Variants in RP1 observed in about 807,000 individuals in gnomAD.
RP1 encodes the protein RP1 axonemal microtubule associated.
RP1 carries 16 observed loss-of-function variants against 14.8 expected under a neutral mutation model. The observed-to-expected ratio is 1.08, with a 90% CI of 0.73 to 1.65. The LOEUF (loss-of-function observed/expected upper bound fraction) is 1.65, where lower values mean the gene tolerates loss of function less well. Among genes scored for constraint, RP1 ranks in the 40% most tolerant of loss-of-function variants. The pLI, the probability that RP1 is intolerant of heterozygous loss-of-function variation, is 0.00. For missense variants in RP1, 2,631 were observed against 2,535.0 expected (o/e 1.04, Z -0.81); for synonymous variants, 876 against 883.6 (o/e 0.99, Z 0.15).
intron 27 of RP1, among the ~76,000 whole-genome samples, chr8:54,865,493 A>C (rs1415896952): frequency 6.6e-6 from 1 of 152,128 alleles, no homozygotes; most frequent in Non-Finnish European, 1.5e-5. Context: ...TTCCATTACT[A>C]TTTAAACTTA....
intron 8 of RP1, among the ~76,000 whole-genome samples, chr8:54,676,800 A>G (rs1313453554): frequency 6.6e-6 from 1 of 152,206 alleles, no homozygotes; most frequent in African/African-American, 2.4e-5. Flanking sequence ...ATGTATCATT[A>G]CCTCTAAGAG....
chr8:54,727,219 T>C (rs991449205), intron 17 of RP1, among the ~76,000 whole-genome samples: 13 of 152,088 alleles, frequency 8.5e-5, no homozygotes, highest in Non-Finnish European at 1.3e-4. Context: ...CTCATGAACA[T>C]AGGGAAGAGA....
chr8:54,698,739 G>A (rs541242350), intron 12 of RP1, among the ~76,000 whole-genome samples: 148 of 152,218 alleles, frequency 9.7e-4, no homozygotes, highest in African/African-American at 3.5e-3. Context: ...TCCTTTGCAG[G>A]GACATGGATG....
chr8:54,741,734 T>TATATAC (rs1809102196), intron 19 of RP1, among the ~76,000 whole-genome samples: 1 of 137,386 alleles, frequency 7.3e-6, no homozygotes, highest in Non-Finnish European at 1.6e-5. Context: ...TATATATATA[T>TATATAC]ATATATATAT....
chr8:54,713,479 C>T (rs1808338017), intron 15 of RP1, among the ~76,000 whole-genome samples: 1 of 152,152 alleles, frequency 6.6e-6, no homozygotes, highest in African/African-American at 2.4e-5. Context: ...TGCACACAGA[C>T]ATACCCCACA....
chr8:54,666,731 T>C (rs1179926529), intron 7 of RP1, among the ~76,000 whole-genome samples: 1 of 151,910 alleles, frequency 6.6e-6, no homozygotes, highest in Non-Finnish European at 1.5e-5. Context: ...AGGGAGAAAC[T>C]GGAAGTTAGA....
At chr8:54,705,558 C>CATT (rs2129344891) in intron 14 of RP1, among the ~76,000 whole-genome samples, 1 of 152,292 alleles carries the variant, frequency 6.6e-6, no homozygotes, top group African/African-American at 2.4e-5. Flanking sequence ...CCCTAAGTCA[C>CATT]ATTATTACTA....
intron 25 of RP1, among the ~76,000 whole-genome samples, chr8:54,844,030 G>A (rs1811855612): frequency 6.6e-6 from 1 of 152,238 alleles, no homozygotes; most frequent in South Asian, 2.1e-4. Flanking sequence ...GAGGGCATCA[G>A]TGAGAAGCTC....
rs565804145 is a variant in RP1, at chr8:54,640,125, T to A, written c.788-8860T>A. Among the ~76,000 whole-genome samples, 1,178 of 151,890 alleles carry A rather than the reference T, an allele frequency of 7.8e-3. 18 individuals are homozygous for A. Among genetic ancestry groups the A allele is most frequent in the African/African-American group, 0.027 (1,104 of 41,416 alleles). On this transcript the variant is annotated intron_variant, in intron 3 of 22. Coordinates refer to the RP1 transcript ENST00000636932. ...TCCCATTTTGAGCTTTTTTTTTTTT[T>A]AAATATACTGTGGGAGGTAAGAGTT... is the stretch of plus-strand genomic sequence containing the variant.
At chr8:54,700,777 G>A (rs538920906) in intron 13 of RP1, among the ~76,000 whole-genome samples, 2 of 152,132 alleles carry the variant, frequency 1.3e-5, no homozygotes, top group Non-Finnish European at 2.9e-5. Flanking sequence ...CATCTGGTAT[G>A]GTGGGCCTCA....
chr8:54,799,608 A>G (rs1487791296), intron 24 of RP1, among the ~76,000 whole-genome samples: 1 of 151,654 alleles, frequency 6.6e-6, no homozygotes, highest in Non-Finnish European at 1.5e-5. Flanking sequence ...TTAATGCATC[A>G]ATGTTATCTC....
intron 23 of RP1, among the ~76,000 whole-genome samples, chr8:54,777,743 A>T (rs1249680781): frequency 6.6e-6 from 1 of 152,212 alleles, no homozygotes. Flanking sequence ...AATTAATAAA[A>T]ATTAGAATAA....
At chr8:54,651,394 C>G (rs1806652854) in intron 4 of RP1, among the ~76,000 whole-genome samples, 1 of 151,812 alleles carries the variant, frequency 6.6e-6, no homozygotes, top group Admixed American at 6.6e-5. Context: ...GCCTTCTGTC[C>G]TAGGTTTTTT....
chr8:54,582,612 A>T (rs984106975), intron 1 of RP1, among the ~76,000 whole-genome samples: 28 of 152,118 alleles, frequency 1.8e-4, no homozygotes, highest in African/African-American at 6.3e-4. Context: ...CATTTTCACG[A>T]TATTGATTCT....
At position 54,621,578 on chromosome 8, in the gene RP1, G is replaced by A. The variant is rs374538807; in HGVS notation, c.612G>A (p.Arg204=). Residue 204 remains arginine (R), a synonymous_variant, in exon 2 of 4, where the codon AGG becomes AGA. Coordinates refer to ENST00000220676, the MANE Select transcript of RP1 (RefSeq NM_006269.2). ...TCAAGCTGTACGCTACGGACGGAAG[G>A]AGGGTGAGCGTTCTGGGGGCTCCTC... The part of the protein sequence containing the change: ...PVVKLYATDG[R]RVPSLQAVIL... 2.5e-6 allele frequency: 4 copies of A among 1,614,026 alleles called. No individual in the cohort carries two copies. The highest frequency in any genetic ancestry group is 2.2e-5 in the East Asian group (1 of 44,878).
Position 54,621,280 on chromosome 8 carries a change from T to C in RP1, c.314T>C (p.Leu105Pro), listed in dbSNP as rs760751066. ...GAGCTGGAGGACGGCGAGTCCTACC[T>C]ATGTTCCCACGGCAGGAAGGTGCAG... ...LEELEDGESY[L>P]CSHGRKVQPV... Residue 105 changes from leucine (L) to proline (P), a missense_variant, in exon 2 of 4, where the codon CTA becomes CCA. Coordinates refer to ENST00000220676, the MANE Select transcript of RP1 (RefSeq NM_006269.2). 3.1e-6 allele frequency: 5 copies of C among 1,614,010 alleles called. No individual in the cohort carries two copies. The highest frequency in any genetic ancestry group is 3.4e-6 in the Non-Finnish European group (4 of 1,180,008).
In RP1 at chr8:54,630,051, C is replaced by G. The variant is rs201860457; in HGVS notation, c.6169C>G (p.Gln2057Glu). Residue 2057 changes from glutamine to glutamate, a missense_variant, in exon 4 of 4, where the codon CAG becomes GAG. Coordinates refer to ENST00000220676, the MANE Select transcript of RP1 (RefSeq NM_006269.2). Reference sequence around the variant, plus strand: ...TTCAAATACACAAGACCTCAGCGGTCAGACAAATGAAATCTTTAAAGCAGT... The same window carrying G: ...TTCAAATACACAAGACCTCAGCGGTGAGACAAATGAAATCTTTAAAGCAGT... ...VDSNTQDLSG[Q>E]TNEIFKAVDE... is the part of the protein sequence containing the mutation. 9.6e-5 allele frequency: 155 copies of G among 1,613,942 alleles called. 2 individuals carry two copies. Among genetic ancestry groups the G allele is most frequent in the South Asian group, 4.5e-4 (41 of 91,048 alleles).
chr8:54,801,274 G>A (rs1563380389), intron 24 of RP1, among the ~76,000 whole-genome samples: 2 of 152,184 alleles, frequency 1.3e-5, no homozygotes, highest in Non-Finnish European at 2.9e-5. Context: ...CTCAACACGT[G>A]TTAATGTAGT....
chr8:54,633,121 G>A (rs187849710), downstream of RP1, among the ~76,000 whole-genome samples: 1 of 152,208 alleles, frequency 6.6e-6, no homozygotes, highest in Admixed American at 6.5e-5. Flanking sequence ...AAAGAAAGCT[G>A]AATGCCCAAC....
Sources: allele counts gnomAD v4.1 joint callset (sites outside exome capture counted in the v4.1 genomes callset), GRCh38; gene constraint gnomAD v4.1.1; transcripts MANE v1.5; gene names NCBI Gene and HGNC (gene_info 2026-07-23, HGNC 2026-07-21).